Variants in NCAPH observed in about 807,000 individuals in gnomAD.
NCAPH encodes non-SMC condensin I complex subunit H, also known as condensin complex subunit 2.
A neutral mutation model predicts 85.5 loss-of-function variants in NCAPH; 38 were observed. That is an observed-to-expected ratio of 0.44 (90% CI 0.34 to 0.58). NCAPH has a LOEUF of 0.58. Ranked by LOEUF, NCAPH falls within the 20% of genes least tolerant of loss-of-function variation. The pLI, the probability that NCAPH is intolerant of heterozygous loss-of-function variation, is 0.01. For missense variants in NCAPH, 789 were observed against 916.6 expected (o/e 0.86, Z 1.80); for synonymous variants, 301 against 335.1 (o/e 0.90, Z 1.11).
At position 96,360,594 on chromosome 2, in the gene NCAPH, A is replaced by G. The variant is rs1251855491; in HGVS notation, c.1471A>G (p.Thr491Ala). The change falls in exon 12 of 18, where the codon ACT becomes GCT. Residue 491 changes from threonine to alanine, a missense_variant. Thr to Ala is a moderately conservative substitution (Grantham distance 58, BLOSUM62 0). Transcript: ENST00000240423. The part of the protein sequence containing the change: ...DVYFRKTKAA[T>A]ILTKSTLENQ... Reference sequence around the variant, plus strand: ...TTTTTAAAAAAATTAATAGGCTGCTACTATTCTGACCAAGTCCACTTTGGA... The same window carrying G: ...TTTTTAAAAAAATTAATAGGCTGCTGCTATTCTGACCAAGTCCACTTTGGA... 1.2e-6 allele frequency: 2 copies of G among 1,614,092 alleles called. No homozygotes were observed. The highest frequency in any genetic ancestry group is 1.7e-5 in the Admixed American group (1 of 60,000).
intron 9 of NCAPH, among the ~76,000 whole-genome samples, chr2:96,358,302 C>T (rs565578321): frequency 2.9e-4 from 44 of 152,174 alleles, no homozygotes; most frequent in Admixed American, 5.9e-4. Context: ...GGAACTATAG[C>T]GGTATCTTTT....
chr2:96,347,436 C>T lies in NCAPH; in HGVS notation c.720+3207C>T, dbSNP rs1248811219. On this transcript the variant is annotated intron_variant, in intron 6 of 17. Transcript: ENST00000240423. ...TTATTGTAATATCTAAGATTTTTCCCACCTAGCCTCTAGGAAACAGTTTTC... is the reference window on the plus strand; with the variant it reads ...TTATTGTAATATCTAAGATTTTTCCTACCTAGCCTCTAGGAAACAGTTTTC... Among the ~76,000 whole-genome samples the T allele has an allele frequency of 2.6e-5, 4 of 152,088 alleles. No individual in the cohort carries two copies. The East Asian group carries it at 7.7e-4, about 29-fold the overall frequency.
intron 6 of NCAPH, among the ~76,000 whole-genome samples, chr2:96,345,424 A>T (rs959285445): frequency 2.6e-5 from 4 of 152,156 alleles, no homozygotes; most frequent in African/African-American, 9.6e-5. Flanking sequence ...TGAGTGTGAA[A>T]ATCTGCCAGT....
At chr2:96,366,150 T>G in intron 14 of NCAPH, 92 bp downstream of exon 14, 1 of 1,395,422 alleles carries the variant, frequency 7.2e-7, no homozygotes, top group South Asian at 1.3e-5. Context: ...GCTTGATTTC[T>G]TTTCTTCTCA....
intron 16 of NCAPH, 143 bp from the exon 17 acceptor site, chr2:96,369,282 A>G: frequency 1.2e-6 from 1 of 860,610 alleles, no homozygotes; most frequent in South Asian, 1.6e-5. Flanking sequence ...ATAAGAAACT[A>G]GAAAAATCTG....
chr2:96,369,357 A>G, intron 16 of NCAPH, 68 bp from the exon 17 acceptor site: 1 of 1,331,076 alleles, frequency 7.5e-7, no homozygotes, highest in Non-Finnish European at 1.1e-6. Context: ...TGTATTATTC[A>G]TACTTGATGA....
chr2:96,363,755 C>T (rs898146417), intron 12 of NCAPH, among the ~76,000 whole-genome samples: 1 of 152,082 alleles, frequency 6.6e-6, no homozygotes, highest in South Asian at 2.1e-4. Context: ...GGATGTCTCT[C>T]CTTGTTGCCA....
At chr2:96,352,048 A>T (rs763119991) in intron 7 of NCAPH, 28 bp downstream of exon 7, 3 of 1,567,160 alleles carry the variant, frequency 1.9e-6, no homozygotes, top group Non-Finnish European at 2.6e-6. Context: ...CTTTCACCAG[A>T]GCATTTCAGT....
chr2:96,367,097 A>AAAACAAAC (rs542647359), intron 14 of NCAPH, among the ~76,000 whole-genome samples, 160 bp from the exon 15 acceptor site: 1 of 152,098 alleles, frequency 6.6e-6, no homozygotes, highest in African/African-American at 2.4e-5. Flanking sequence ...ACTCTGTCTC[A>AAAACAAAC]AAACAAACAA....
At chr2:96,353,214 T>C (rs1213031123) in intron 7 of NCAPH, 92 bp from the exon 8 acceptor site, 1 of 1,019,270 alleles carries the variant, frequency 9.8e-7, no homozygotes, top group Non-Finnish European at 1.5e-6. Flanking sequence ...GTGCCTCTCA[T>C]CTCTCGTCCC....
rs973296920 is a variant in NCAPH at position 96,376,954 on chromosome 2, G to T, written c.*3603G>T. ...ATTGAAAAGAGTAAATGCCTGAGGG[G>T]ATGGATACCCCATTCTCTGTGATGT... is the stretch of plus-strand genomic sequence containing the variant. On this transcript the variant is annotated 3_prime_UTR_variant, in exon 18 of 18. Transcript: ENST00000240423. Among the ~76,000 whole-genome samples, 1 of 152,064 alleles carries T rather than the reference G, an allele frequency of 6.6e-6. No individual in the cohort carries two copies. Among genetic ancestry groups the T allele is most frequent in the African/African-American group, 2.4e-5 (1 of 41,386 alleles).
intron 9 of NCAPH, 79 bp from the exon 10 acceptor site, chr2:96,358,966 C>A: frequency 1.4e-6 from 2 of 1,391,588 alleles, no homozygotes; most frequent in South Asian, 2.8e-5. Context: ...AAATGCAGCT[C>A]ATTTGCGGAC....
chr2:96,360,024 GAC>G, intron 10 of NCAPH, 117 bp from the exon 11 acceptor site: 1 of 658,144 alleles, frequency 1.5e-6, no homozygotes. Context: ...GTGATGCTCA[GAC>G]ACAATGCTGC....
At chr2:96,342,536 A>T (rs181450983) in intron 3 of NCAPH, among the ~76,000 whole-genome samples, 8 of 152,324 alleles carry the variant, frequency 5.3e-5, no homozygotes, top group Admixed American at 5.2e-4. Flanking sequence ...GGGCCTGCAC[A>T]CACTGAGCAT....
intron 6 of NCAPH, among the ~76,000 whole-genome samples, chr2:96,349,403 A>G (rs2064407049): frequency 6.6e-6 from 1 of 150,468 alleles, no homozygotes; most frequent in Non-Finnish European, 1.5e-5. Flanking sequence ...TTTTTTTAAG[A>G]TGGAGTCTCA....
rs530112951 is a variant in NCAPH at position 96,376,886 on chromosome 2, A to G, written c.*3535A>G. 3.3e-5 allele frequency among the ~76,000 whole-genome samples: 5 copies of G among 152,224 alleles called. No individual in the cohort carries two copies. The highest frequency in any genetic ancestry group is 7.3e-5 in the Non-Finnish European group (5 of 68,046). On this transcript the variant is annotated 3_prime_UTR_variant, in exon 18 of 18. Transcript: ENST00000240423. ...TATTTGATAGCACAATAGGGTGACT[A>G]TAGTCAATAATAACAATTGTATATT...
chr2:96,336,347 A>T (rs2064214707), intron 1 of NCAPH, among the ~76,000 whole-genome samples: 3 of 152,228 alleles, frequency 2.0e-5, no homozygotes, highest in African/African-American at 7.2e-5. Context: ...TTGGGGAGAC[A>T]GACAGTAAAC....
chr2:96,371,776 C>T (rs1039323733), intron 17 of NCAPH, among the ~76,000 whole-genome samples: 1 of 152,206 alleles, frequency 6.6e-6, no homozygotes, highest in Non-Finnish European at 1.5e-5. Context: ...TGTGATAACT[C>T]AACACTTAGA....
intron 14 of NCAPH, among the ~76,000 whole-genome samples, chr2:96,366,871 C>T (rs1372046366): frequency 5.3e-5 from 7 of 132,228 alleles, no homozygotes; most frequent in East Asian, 2.1e-4. Flanking sequence ...GTCGAGACTC[C>T]GTCTCAAAAA....
Sources: allele counts gnomAD v4.1 joint callset (sites outside exome capture counted in the v4.1 genomes callset), GRCh38; gene constraint gnomAD v4.1.1; transcripts MANE v1.5; gene names NCBI Gene and HGNC (gene_info 2026-07-23, HGNC 2026-07-21).